KIAA1217: variants seen among roughly 807,000 people sequenced by gnomAD.
The protein encoded by KIAA1217 is sickle tail protein homolog.
A neutral mutation model predicts 163.9 loss-of-function variants in KIAA1217; 88 were observed. The observed-to-expected ratio is 0.54, with a 90% confidence interval of 0.45 to 0.64. The LOEUF is 0.64. Ranked by LOEUF, KIAA1217 falls within the 30% of genes least tolerant of loss-of-function variation. The pLI is 0.00. For missense variants in KIAA1217, 2,372 were observed against 2,475.0 expected (o/e 0.96, Z 0.88); for synonymous variants, 903 against 923.1 (o/e 0.98, Z 0.39).
Position 24,089,289 on chromosome 10 carries a change from C to G in KIAA1217, c.-171+81915C>G, listed in dbSNP as rs895308762. ...TAGTTTCTTTTGCTGTGCAGAAGCT[C>G]TTTAGTTTAATTAGATCCCATTTGT... On this transcript the variant is annotated intron_variant, in intron 2 of 18. Coordinates refer to the KIAA1217 transcript ENST00000376462. 4.0e-5 allele frequency among the ~76,000 whole-genome samples: 5 copies of G among 125,128 alleles called. 1 individual carries two copies. The highest frequency in any genetic ancestry group is 1.3e-4 in the African/African-American group (5 of 39,894). 82.1% of individuals were successfully genotyped at this position (125,128 alleles called of 152,430 possible).
Position 24,381,022 on chromosome 10 carries a change from C to G in KIAA1217, c.508C>G (p.Leu170Val), listed in dbSNP as rs753949598. The G allele has an allele frequency of 6.2e-7, 1 of 1,604,818 alleles. No individual in the cohort carries two copies. The highest frequency in any genetic ancestry group is 1.7e-5 in the Admixed American group (1 of 58,832). Residue 170 changes from leucine to valine, a missense_variant, in exon 3 of 21, where the codon CTT becomes GTT. Around this residue, in one of 3 missense-constraint regions of KIAA1217, gnomAD observed 1,431 missense variants for 1,470.3 expected, o/e 0.97. Coordinates refer to ENST00000376454, the MANE Select transcript of KIAA1217 (RefSeq NM_019590.5). ...FSRGSRTRAS[L>V]PVVRSTNQTK... ...CAGAGGCAGCCGGACTCGTGCGAGC[C>G]TTCCTGTGGTGAGGTCAACCAACCA... is the stretch of plus-strand genomic sequence containing the variant.
In KIAA1217 at chr10:23,857,835, A is replaced by G. The variant is rs560725291; in HGVS notation, c.-320-149390A>G. On this transcript the variant is annotated intron_variant, in intron 1 of 18. Coordinates refer to the KIAA1217 transcript ENST00000376462. Reference sequence around the variant, plus strand: ...GATGAATGTATGTTCATATATATGTATGTATTTATAGAGGAAACTATAGAT... The same window carrying G: ...GATGAATGTATGTTCATATATATGTGTGTATTTATAGAGGAAACTATAGAT... Among the ~76,000 whole-genome samples the G allele has an allele frequency of 7.2e-5, 11 of 152,268 alleles. No individual in the cohort carries two copies. In the South Asian group the frequency reaches 2.1e-3, roughly 29 times the overall value.
intron 2 of KIAA1217, among the ~76,000 whole-genome samples, chr10:24,349,027 G>A (rs1353895706): frequency 6.6e-6 from 1 of 151,636 alleles, no homozygotes; most frequent in Admixed American, 6.6e-5. Context: ...AGCTAGTTGG[G>A]AGGCTGAAGT....
chr10:23,942,205 A>T (rs944546088), intron 1 of KIAA1217, among the ~76,000 whole-genome samples: 1 of 152,214 alleles, frequency 6.6e-6, no homozygotes, highest in Non-Finnish European at 1.5e-5. Context: ...AAGATAAAAA[A>T]CTGACTAGAA....
At chr10:24,233,343 G>A (rs1384015817) in intron 2 of KIAA1217, among the ~76,000 whole-genome samples, 1 of 152,124 alleles carries the variant, frequency 6.6e-6, no homozygotes, top group East Asian at 1.9e-4. Flanking sequence ...CCCTAAGGGA[G>A]AGCATTCATC....
chr10:24,066,798 G>A (rs572642155), intron 2 of KIAA1217, among the ~76,000 whole-genome samples: 13 of 152,184 alleles, frequency 8.5e-5, no homozygotes, highest in East Asian at 3.9e-4. Flanking sequence ...CGTAGATTTC[G>A]TCTTTCCACA....
Position 24,536,860 on chromosome 10 carries a change from G to T in KIAA1217, c.3501G>T (p.Arg1167Ser), listed in dbSNP as rs753438365. 10 of 1,614,070 alleles carry T rather than the reference G, an allele frequency of 6.2e-6. No homozygotes were observed. Among genetic ancestry groups the T allele is most frequent in the East Asian group, 2.2e-5 (1 of 44,876 alleles). The stretch of plus-strand genomic sequence containing the variant: ...CTGACAGTCACGTTAAAGACACTAG[G>T]TCGGGCGCCACAGTGCCACCCAAGG... The part of the protein sequence containing the change: ...SRADSHVKDT[R>S]SGATVPPKEK... The change falls in exon 17 of 21, where the codon AGG becomes AGT. Residue 1167 changes from arginine (R) to serine (S), a missense_variant. Arg to Ser is a moderately radical substitution (Grantham distance 110, BLOSUM62 -1). Coordinates refer to ENST00000376454, the MANE Select transcript of KIAA1217 (RefSeq NM_019590.5).
intron 1 of KIAA1217, among the ~76,000 whole-genome samples, chr10:23,699,941 T>C (rs1196135356): frequency 1.3e-5 from 2 of 152,236 alleles, no homozygotes; most frequent in Non-Finnish European, 2.9e-5. Context: ...TGGCACACAA[T>C]GGACACTTGA....
intron 1 of KIAA1217, among the ~76,000 whole-genome samples, chr10:23,974,035 A>G (rs1832307): frequency 0.026 from 4,011 of 152,314 alleles, 120 homozygotes; most frequent in East Asian, 0.13. Context: ...TTTATTCATT[A>G]ACCAAAAGAA....
intron 2 of KIAA1217, among the ~76,000 whole-genome samples, chr10:24,154,798 G>C (rs2064799169): frequency 6.6e-6 from 1 of 152,002 alleles, no homozygotes; most frequent in Non-Finnish European, 1.5e-5. Flanking sequence ...AGTCTCTGAA[G>C]TTGTCTAATC....
intron 1 of KIAA1217, among the ~76,000 whole-genome samples, chr10:23,978,670 C>T (rs1014588454): frequency 2.6e-5 from 4 of 151,986 alleles, no homozygotes; most frequent in African/African-American, 9.7e-5. Context: ...ACCCTATACA[C>T]AATCTTTATA....
chr10:24,050,053 G>A (rs1490750745), intron 2 of KIAA1217, among the ~76,000 whole-genome samples: 3 of 152,168 alleles, frequency 2.0e-5, no homozygotes, highest in Non-Finnish European at 4.4e-5. Context: ...TTTCTCTAAT[G>A]ACCAGTGATG....
rs757566686 is a variant in KIAA1217, at chr10:24,533,142, G to C, written c.3319G>C (p.Ala1107Pro). 1 of 1,613,864 alleles carries C rather than the reference G, an allele frequency of 6.2e-7. No homozygotes were observed. Among genetic ancestry groups the C allele is most frequent in the Admixed American group, 1.7e-5 (1 of 60,018 alleles). ...TKYPAEEPAS[A>P]WTPSPPPVTT... ...ATATCCAGCAGAGGAGCCTGCTTCAGCCTGGACCCCATCCCCACCGCCTGT... is the reference window on the plus strand; with the variant it reads ...ATATCCAGCAGAGGAGCCTGCTTCACCCTGGACCCCATCCCCACCGCCTGT... The change falls in exon 16 of 21, where the codon GCC becomes CCC. Residue 1107 changes from alanine (A) to proline (P), a missense_variant. Physicochemically the swap from Ala to Pro is conservative, Grantham distance 27. This residue lies in a region of KIAA1217 where 1,431 missense variants were observed against 1,470.3 expected (regional missense o/e 0.97). Transcript: ENST00000376454.
chr10:23,879,238 A>G (rs1840841081), intron 1 of KIAA1217, among the ~76,000 whole-genome samples: 2 of 151,864 alleles, frequency 1.3e-5, no homozygotes, highest in Admixed American at 6.6e-5. Context: ...TGGCATTTTT[A>G]AAAACCTCCC....
chr10:24,508,901 G>GGGATTGATTGTAAAA (rs1396818796), intron 9 of KIAA1217, among the ~76,000 whole-genome samples: 2 of 152,110 alleles, frequency 1.3e-5, no homozygotes, highest in Non-Finnish European at 2.9e-5. Flanking sequence ...CTGGGGCTTG[G>GGGATTGATTGTAAAA]GGATTGATTG....
At chr10:24,204,425 T>C (rs2067435987), upstream of KIAA1217, among the ~76,000 whole-genome samples, 1 of 152,250 alleles carries the variant, frequency 6.6e-6, no homozygotes, top group Admixed American at 6.5e-5. Flanking sequence ...GGGCTTGTAA[T>C]ACGGTCCGTG....
chr10:23,750,966 C>A (rs753892892), intron 1 of KIAA1217, among the ~76,000 whole-genome samples: 1 of 150,764 alleles, frequency 6.6e-6, no homozygotes, highest in Non-Finnish European at 1.5e-5. Context: ...CCCCTCCCCT[C>A]CCTTCCCTTT....
intron 2 of KIAA1217, among the ~76,000 whole-genome samples, chr10:24,241,281 T>A (rs369886919): frequency 1.3e-5 from 2 of 152,200 alleles, no homozygotes; most frequent in African/African-American, 4.8e-5. Context: ...AAAAAATGAA[T>A]GTGTTATTGA....
chr10:24,296,042 C>T (rs1451465690), intron 2 of KIAA1217, among the ~76,000 whole-genome samples: 4 of 152,160 alleles, frequency 2.6e-5, no homozygotes, highest in Admixed American at 6.5e-5. Context: ...CACCTGTGAG[C>T]TTGCTCAAAA....
Sources: gnomAD v4.1 joint callset for allele counts (sites outside exome capture counted in the v4.1 genomes callset) on GRCh38, gnomAD v4.1.1 for gene constraint, gnomAD v4.1.1 regional missense constraint, MANE v1.5 for transcripts, NCBI Gene and HGNC (gene_info 2026-07-23, HGNC 2026-07-21) for gene names.